Variants in CRYBG1 observed in about 807,000 individuals in gnomAD.
CRYBG1 encodes the protein beta/gamma crystallin domain-containing protein 1.
In CRYBG1, 139 loss-of-function variants were observed where a neutral mutation model predicts 189.2. The observed-to-expected ratio is 0.73, with a 90% CI of 0.64 to 0.85. The LOEUF (loss-of-function observed/expected upper bound fraction) is 0.85, where lower values mean the gene tolerates loss of function less well. Among genes scored for constraint, CRYBG1 ranks in the 40% least tolerant of loss-of-function variants. The pLI, the probability that CRYBG1 is intolerant of heterozygous loss-of-function variation, is 0.00. For synonymous variants in CRYBG1, 1,023 were observed against 1,017.1 expected, an observed-to-expected ratio of 1.01 and a Z score of -0.11; for missense variants, 2,611 against 2,675.8, an observed-to-expected ratio of 0.98 and a Z score of 0.53.
chr6:106,511,739 G>A lies in CRYBG1; in HGVS notation c.622G>A (p.Asp208Asn), dbSNP rs1773263061. ...GAGCGGTGGCCCCGCAGCCCCCCCT[G>A]ACGCCGAGCTGTCACCTCGCTGGAG... The part of the protein sequence containing the change: ...PESGGPAAPP[D>N]AELSPRWSSS... Residue 208 changes from aspartate (D) to asparagine (N), a missense_variant, in exon 3 of 22, where the codon GAC becomes AAC. Asp to Asn is a conservative substitution (Grantham distance 23). Coordinates refer to ENST00000633556, the MANE Select transcript of CRYBG1 (RefSeq NM_001371242.2). 6.5e-7 allele frequency: 1 copy of A among 1,535,202 alleles called. No homozygotes were observed. Among genetic ancestry groups the A allele is most frequent in the African/African-American group, 1.4e-5 (1 of 72,914 alleles).
chr6:106,401,980 A>G (rs1770728595), intron 1 of CRYBG1, among the ~76,000 whole-genome samples: 1 of 151,322 alleles, frequency 6.6e-6, no homozygotes, highest in African/African-American at 2.4e-5. Context: ...TACAAAAATC[A>G]CAAGCATTCT....
intron 1 of CRYBG1, among the ~76,000 whole-genome samples, chr6:106,441,356 A>G (rs969614957): frequency 6.6e-6 from 1 of 152,160 alleles, no homozygotes; most frequent in South Asian, 2.1e-4. Flanking sequence ...GAGCAGGGAT[A>G]CTGTGATAAT....
At chr6:106,371,638 T>C (rs1770034846) in intron 1 of CRYBG1, among the ~76,000 whole-genome samples, 1 of 152,218 alleles carries the variant, frequency 6.6e-6, no homozygotes, top group African/African-American at 2.4e-5. Flanking sequence ...CATTGGAACA[T>C]ACGTAGGGTT....
intron 7 of CRYBG1, 62 bp downstream of exon 7, chr6:106,527,532 G>C: frequency 1.3e-6 from 2 of 1,522,322 alleles, no homozygotes; most frequent in Non-Finnish European, 1.8e-6. Context: ...CTTACTTTAA[G>C]GGAAATGATC....
At chr6:106,424,373 T>G (rs138551096) in intron 1 of CRYBG1, among the ~76,000 whole-genome samples, 1 of 152,310 alleles carries the variant, frequency 6.6e-6, no homozygotes, top group East Asian at 1.9e-4. Flanking sequence ...TTTACTTACA[T>G]GACATGACCA....
Position 106,570,691 on chromosome 6 carries a change from GAA to G in CRYBG1, c.*2128_*2129del, listed in dbSNP as rs1244013161. ...CCACTACCACCTGGGAGCCCTCCAG[GAA>G]AAGAGCTGAGGCTGCTCCAGATGGA... On this transcript the variant is annotated 3_prime_UTR_variant, in exon 22 of 22. Transcript: ENST00000633556. 6.6e-6 allele frequency: 1 copy of G among 152,178 alleles called. No individual in the cohort carries two copies. Among genetic ancestry groups the G allele is most frequent in the Admixed American group, 6.5e-5 (1 of 15,274 alleles). 9.4% of individuals were successfully genotyped at this position (152,178 alleles called of 1,614,324 possible). A position where few individuals can be genotyped will look rare whatever the true frequency, so the allele number is the denominator to read the frequency against.
chr6:106,532,055 A>C (rs903485416), intron 8 of CRYBG1, among the ~76,000 whole-genome samples: 1 of 152,158 alleles, frequency 6.6e-6, no homozygotes, highest in African/African-American at 2.4e-5. Context: ...ATAATTGCAC[A>C]TATTTATGGG....
rs1562114623 is a variant in CRYBG1, at chr6:106,547,865, GA to G, written c.5312+2935del. 2.0e-5 allele frequency among the ~76,000 whole-genome samples: 3 copies of G among 152,242 alleles called. No individual in the cohort carries two copies. The East Asian group carries it at 5.8e-4, about 29-fold the overall frequency. The stretch of plus-strand genomic sequence containing the variant: ...GCATTTGATTCTTACTGGAAATGTC[GA>G]AAGAAACTCCCTGCTTATCAGTTTC... On this transcript the variant is annotated intron_variant, in intron 13 of 21. Coordinates refer to ENST00000633556, the MANE Select transcript of CRYBG1 (RefSeq NM_001371242.2).
intron 2 of CRYBG1, among the ~76,000 whole-genome samples, chr6:106,510,649 C>A (rs1187999590): frequency 1.3e-5 from 2 of 152,222 alleles, no homozygotes; most frequent in African/African-American, 4.8e-5. Flanking sequence ...TTCAGCCACA[C>A]CTCCTCGGCT....
chr6:106,513,243 C>T (rs1773341947), intron 3 of CRYBG1, among the ~76,000 whole-genome samples: 2 of 152,186 alleles, frequency 1.3e-5, no homozygotes, highest in Non-Finnish European at 2.9e-5. Flanking sequence ...AGTTAATTCC[C>T]TTTTTAACAC....
At chr6:106,371,169 C>T (rs1020668562) in intron 1 of CRYBG1, among the ~76,000 whole-genome samples, 10 of 152,214 alleles carry the variant, frequency 6.6e-5, no homozygotes, top group African/African-American at 2.4e-4. Context: ...AATGCTGGTG[C>T]TGTGACACGT....
At chr6:106,447,893 T>C (rs973179141) in intron 1 of CRYBG1, among the ~76,000 whole-genome samples, 1 of 152,216 alleles carries the variant, frequency 6.6e-6, no homozygotes, top group Non-Finnish European at 1.5e-5. Context: ...GAATGAATGC[T>C]AGATAGTGTT....
chr6:106,539,380 T>C, intron 8 of CRYBG1, 23 bp from the exon 9 acceptor site: 10 of 1,610,652 alleles, frequency 6.2e-6, no homozygotes, highest in South Asian at 1.1e-5. Context: ...CTCCCTTTCT[T>C]TCCTTCCATG....
At chr6:106,565,792 A>AGAT (rs1774867544) in intron 21 of CRYBG1, among the ~76,000 whole-genome samples, 1 of 152,240 alleles carries the variant, frequency 6.6e-6, no homozygotes. Context: ...CTCATTTTAT[A>AGAT]GATGATCAAC....
intron 3 of CRYBG1, among the ~76,000 whole-genome samples, chr6:106,517,349 CATAT>C (rs963380889): frequency 2.3e-4 from 19 of 83,910 alleles, no homozygotes; most frequent in Admixed American, 8.3e-4. Context: ...TATACACACA[CATAT>C]ATATATACAC....
chr6:106,393,372 A>T (rs565309754), intron 1 of CRYBG1, among the ~76,000 whole-genome samples: 1 of 152,150 alleles, frequency 6.6e-6, no homozygotes, highest in South Asian at 2.1e-4. Context: ...CAGCCTCACC[A>T]TCGTTAAAGG....
At chr6:106,521,488 T>G in intron 4 of CRYBG1, 35 bp downstream of exon 4, 1 of 1,522,522 alleles carries the variant, frequency 6.6e-7, no homozygotes, top group South Asian at 1.3e-5. Flanking sequence ...ATTTGGGGTA[T>G]TTTTAAAGCA....
chr6:106,369,284 T>C (rs1023091977), intron 1 of CRYBG1, among the ~76,000 whole-genome samples: 1 of 152,206 alleles, frequency 6.6e-6, no homozygotes, highest in African/African-American at 2.4e-5. Flanking sequence ...GTACCTTTTG[T>C]TTGTTACCTT....
intron 1 of CRYBG1, among the ~76,000 whole-genome samples, chr6:106,412,696 C>T (rs1271102063): frequency 2.6e-5 from 4 of 152,118 alleles, no homozygotes; most frequent in African/African-American, 7.2e-5. Context: ...ATTGTCCTAA[C>T]GTAAGTTGGG....
Sources: allele counts gnomAD v4.1 joint callset (sites outside exome capture counted in the v4.1 genomes callset), GRCh38; gene constraint gnomAD v4.1.1; transcripts MANE v1.5; gene names NCBI Gene and HGNC (gene_info 2026-07-23, HGNC 2026-07-21).